The following FKBP5 variants were observed in gnomAD, a reference collection of about 807,000 sequenced individuals.
FKBP5 encodes the protein peptidyl-prolyl cis-trans isomerase FKBP5.
A neutral mutation model predicts 50.5 loss-of-function variants in FKBP5; 23 were observed. That is an observed-to-expected ratio of 0.46 (90% confidence interval 0.33 to 0.65). The LOEUF (loss-of-function observed/expected upper bound fraction) is 0.65, where lower values mean the gene tolerates loss of function less well. FKBP5 is among the 30% of genes least tolerant of loss of function. The pLI is 0.02. For missense variants in FKBP5, 411 were observed against 553.1 expected (o/e 0.74, Z 2.58); for synonymous variants, 176 against 190.6 (o/e 0.92, Z 0.63).
rs148691950 is a variant in FKBP5 at position 35,696,981 on chromosome 6, G to C, written c.-20+23347C>G. On this transcript the variant is annotated intron_variant, in intron 2 of 11. Transcript: ENST00000536438. Reference sequence around the variant, plus strand: ...GAAACTGGAATTTTCATGCATTGCTGGTGGGAATGTAAAATGGTATGGCCT... The same window carrying C: ...GAAACTGGAATTTTCATGCATTGCTCGTGGGAATGTAAAATGGTATGGCCT... Among the ~76,000 whole-genome samples, 482 of 152,264 alleles carry C rather than the reference G, an allele frequency of 3.2e-3. 1 individual carries two copies. Among genetic ancestry groups the C allele is most frequent in the African/African-American group, 0.01 (419 of 41,558 alleles).
intron 8 of FKBP5, chr6:35,581,267 CATATATAATAT>C (rs887420548): frequency 1.8e-4 from 81 of 457,312 alleles, no homozygotes; most frequent in Admixed American, 2.7e-4. Flanking sequence ...TAAATATAAA[CATATATAATAT>C]ATATATAATA....
At position 35,645,078 on chromosome 6, in the gene FKBP5, G is replaced by C. The variant is rs577394585; in HGVS notation, c.-19-2235C>G. Among the ~76,000 whole-genome samples, 4 of 152,304 alleles carry C rather than the reference G, an allele frequency of 2.6e-5. No homozygotes were observed. In the East Asian group the frequency reaches 7.7e-4, roughly 29 times the overall value. On this transcript the variant is annotated intron_variant, in intron 1 of 10. Coordinates refer to ENST00000357266, the MANE Select transcript of FKBP5 (RefSeq NM_004117.4). ...ATGATCTGCATCATAACCAAACTCT[G>C]CATCACCAATAATGAAAAAAAGTGC...
At chr6:35,579,313 C>T (rs766425194) in intron 9 of FKBP5, among the ~76,000 whole-genome samples, 2 of 152,114 alleles carry the variant, frequency 1.3e-5, no homozygotes, top group African/African-American at 2.4e-5. Context: ...AAATAGTTGC[C>T]TTGCTTTTCT....
In FKBP5 at chr6:35,620,225, T is replaced by C. The variant is rs1236017400; in HGVS notation, c.300A>G (p.Gly100=). 2 of 1,614,166 alleles carry C rather than the reference T, an allele frequency of 1.2e-6. No homozygotes were observed. Among genetic ancestry groups the C allele is most frequent in the Admixed American group, 1.7e-5 (1 of 60,012 alleles). ...WDIGVATMKK[G]EICHLLCKPE... is the part of the protein sequence containing the mutation. ...GTTTGCACAGTAAATGGCATATCTC[T>C]CCTTTCTTCATGGTAGCCACCCCAA... The change falls in exon 4 of 11, where the codon GGA becomes GGG. Residue 100 remains glycine, a synonymous_variant. Coordinates refer to ENST00000357266, the MANE Select transcript of FKBP5 (RefSeq NM_004117.4).
chr6:35,576,606 C>G (rs1581776552), intron 10 of FKBP5, among the ~76,000 whole-genome samples: 1 of 148,876 alleles, frequency 6.7e-6, no homozygotes, highest in African/African-American at 2.5e-5. Flanking sequence ...GAAGTCAAGG[C>G]TGCAGTGAGC....
At chr6:35,705,516 C>T (rs1354159101) in intron 2 of FKBP5, among the ~76,000 whole-genome samples, 4 of 151,732 alleles carry the variant, frequency 2.6e-5, no homozygotes, top group African/African-American at 7.2e-5. Context: ...CTGCCCACTT[C>T]GGCCTCCCAA....
chr6:35,595,698 C>A (rs1762964505), intron 6 of FKBP5, among the ~76,000 whole-genome samples: 1 of 151,602 alleles, frequency 6.6e-6, no homozygotes, highest in Non-Finnish European at 1.5e-5. Flanking sequence ...CTACAGTGAG[C>A]GTGACTGTGC....
In FKBP5 at chr6:35,576,989, C is replaced by A. The variant is rs749701989; in HGVS notation, c.1266+5G>T. The stretch of plus-strand genomic sequence containing the variant: ...CCACCTGCAGTCATCAGGCTCTGCA[C>A]ACACCTTGGCATCCTGCTCTGCAAA... On this transcript the variant is annotated splice_donor_5th_base_variant and intron_variant, in intron 10 of 10. Coordinates refer to ENST00000357266, the MANE Select transcript of FKBP5 (RefSeq NM_004117.4). The A allele has an allele frequency of 6.2e-7, 1 of 1,613,462 alleles. No individual in the cohort carries two copies. The highest frequency in any genetic ancestry group is 1.3e-5 in the African/African-American group (1 of 74,904).
chr6:35,585,289 C>T (rs1419132089), intron 8 of FKBP5: 2 of 981,036 alleles, frequency 2.0e-6, no homozygotes, highest in Admixed American at 6.2e-5. Context: ...AACATTTTTC[C>T]CTCTAGTGTA....
intron 3 of FKBP5, among the ~76,000 whole-genome samples, chr6:35,623,438 A>G (rs564429418): frequency 6.6e-6 from 1 of 152,350 alleles, no homozygotes; most frequent in African/African-American, 2.4e-5. Context: ...TAATCTAATG[A>G]GACTACTTGT....
chr6:35,685,707 C>T (rs570899876), intron 1 of FKBP5, among the ~76,000 whole-genome samples: 50 of 152,214 alleles, frequency 3.3e-4, no homozygotes, highest in African/African-American at 1.1e-3. Context: ...CTAGGCTAGG[C>T]GCGATGGCTC....
At chr6:35,718,889 A>C (rs1339897892) in intron 2 of FKBP5, among the ~76,000 whole-genome samples, 1 of 152,140 alleles carries the variant, frequency 6.6e-6, no homozygotes, top group Non-Finnish European at 1.5e-5. Context: ...GGGGCCCTAA[A>C]CTCTGCCTCT....
intron 3 of FKBP5, among the ~76,000 whole-genome samples, chr6:35,636,172 A>T (rs1251360202): frequency 6.6e-6 from 1 of 152,218 alleles, no homozygotes; most frequent in Non-Finnish European, 1.5e-5. Flanking sequence ...TTAAAACCAC[A>T]TTCATTAATA....
chr6:35,621,848 C>A (rs972471846), intron 3 of FKBP5, among the ~76,000 whole-genome samples: 1 of 151,664 alleles, frequency 6.6e-6, no homozygotes, highest in African/African-American at 2.4e-5. Context: ...ATGAGCCAGG[C>A]GTGGTGGTGC....
intron 1 of FKBP5, among the ~76,000 whole-genome samples, chr6:35,652,447 T>A (rs1377672841): frequency 3.9e-5 from 6 of 152,216 alleles, no homozygotes. Context: ...GGAAAGTCCC[T>A]GAGAAAGAGA....
At chr6:35,663,719 C>T (rs1189768558) in intron 1 of FKBP5, among the ~76,000 whole-genome samples, 2 of 152,222 alleles carry the variant, frequency 1.3e-5, no homozygotes, top group Non-Finnish European at 2.9e-5. Flanking sequence ...CCCTCACTCG[C>T]TTCAGGTCTG....
At chr6:35,672,956 G>A (rs1327104035) in intron 1 of FKBP5, among the ~76,000 whole-genome samples, 1 of 151,642 alleles carries the variant, frequency 6.6e-6, no homozygotes, top group African/African-American at 2.4e-5. Flanking sequence ...AAAAGTACTT[G>A]TACATTATGC....
intron 1 of FKBP5, among the ~76,000 whole-genome samples, chr6:35,654,307 C>T (rs1764890207): frequency 6.6e-6 from 1 of 152,112 alleles, no homozygotes; most frequent in Admixed American, 6.6e-5. Context: ...ATCTGAAAAA[C>T]TCCAAGATCC....
chr6:35,613,133 T>TA (rs765149052), intron 5 of FKBP5, among the ~76,000 whole-genome samples: 1 of 152,246 alleles, frequency 6.6e-6, no homozygotes, highest in Non-Finnish European at 1.5e-5. Context: ...CACGTATCTA[T>TA]AACAACATAT....
Sources: allele counts gnomAD v4.1 joint callset (sites outside exome capture counted in the v4.1 genomes callset), GRCh38; gene constraint gnomAD v4.1.1; transcripts MANE v1.5; gene names NCBI Gene and HGNC (gene_info 2026-07-23, HGNC 2026-07-21).